ZNF385D: variants seen among roughly 807,000 people sequenced by gnomAD.
The protein encoded by ZNF385D is zinc finger protein 659.
In ZNF385D, 15 loss-of-function variants were observed where a neutral mutation model predicts 35.8. That is an observed-to-expected ratio of 0.42 (90% CI 0.28 to 0.64). The LOEUF (loss-of-function observed/expected upper bound fraction) is 0.64. Ranked by LOEUF, ZNF385D falls within the 30% of genes least tolerant of loss-of-function variation. The pLI is 0.23. For missense variants in ZNF385D, 474 were observed against 494.6 expected (o/e 0.96, Z 0.39); for synonymous variants, 212 against 186.8 (o/e 1.13, Z -1.10).
At chr3:22,252,818 C>G (rs1010574207) in intron 2 of ZNF385D, among the ~76,000 whole-genome samples, 17 of 152,054 alleles carry the variant, frequency 1.1e-4, no homozygotes, top group Non-Finnish European at 2.5e-4. Context: ...TGTGGTGAAG[C>G]ATAGGTATAT....
intron 3 of ZNF385D, among the ~76,000 whole-genome samples, chr3:22,153,445 T>A (rs1705387605): frequency 6.6e-6 from 1 of 150,672 alleles, no homozygotes; most frequent in Admixed American, 6.7e-5. Context: ...TTAATTCTGT[T>A]TGTCACCATG....
chr3:22,196,279 C>T (rs1208900258), intron 2 of ZNF385D, among the ~76,000 whole-genome samples: 1 of 152,020 alleles, frequency 6.6e-6, no homozygotes, highest in African/African-American at 2.4e-5. Context: ...TATTGCTATA[C>T]CGACTTTGTT....
intron 2 of ZNF385D, among the ~76,000 whole-genome samples, chr3:22,300,949 G>C (rs1192452105): frequency 6.6e-6 from 1 of 151,952 alleles, no homozygotes; most frequent in African/African-American, 2.4e-5. Flanking sequence ...ATATCCAAAG[G>C]AATTGAAATC....
At chr3:22,004,246 G>T (rs4527404) in intron 3 of ZNF385D, among the ~76,000 whole-genome samples, 8 of 151,894 alleles carry the variant, frequency 5.3e-5, no homozygotes, top group African/African-American at 1.7e-4. Flanking sequence ...GACATCCATA[G>T]GCAGAAGACC....
At position 21,418,359 on chromosome 3, in the gene ZNF385D, T is replaced by A. The variant is rs1700601271; in HGVS notation, c.*2855A>T. 1 of 152,156 alleles carries A rather than the reference T, an allele frequency of 6.6e-6. No individual in the cohort carries two copies. The highest frequency in any genetic ancestry group is 2.4e-5 in the African/African-American group (1 of 41,446). The allele number at this position is 152,156 out of a possible 1,614,324, so 9.4% of individuals were successfully genotyped here. On this transcript the variant is annotated 3_prime_UTR_variant, in exon 8 of 8. Transcript: ENST00000281523. ...ATGGCAGCCTGAACTATAATGGATG[T>A]TAATCTGGTATTGGTAAATATATGG...
chr3:21,723,608 T>C (rs961917992), intron 1 of ZNF385D, among the ~76,000 whole-genome samples: 2 of 152,058 alleles, frequency 1.3e-5, no homozygotes, highest in African/African-American at 4.8e-5. Context: ...GAAAAAAGAA[T>C]AAGAAGGAAT....
chr3:22,091,497 T>C (rs909423771), intron 3 of ZNF385D, among the ~76,000 whole-genome samples: 4 of 151,996 alleles, frequency 2.6e-5, no homozygotes, highest in African/African-American at 4.8e-5. Flanking sequence ...CCCTGGTCTG[T>C]AGAGATCTTC....
chr3:21,686,693 A>T (rs547808083), intron 1 of ZNF385D, among the ~76,000 whole-genome samples: 2 of 152,360 alleles, frequency 1.3e-5, no homozygotes, highest in African/African-American at 4.8e-5. Flanking sequence ...TTAAGTGTGC[A>T]GTCGCCACAT....
chr3:21,572,501 A>G (rs2063365237), intron 2 of ZNF385D, among the ~76,000 whole-genome samples: 1 of 152,182 alleles, frequency 6.6e-6, no homozygotes, highest in African/African-American at 2.4e-5. Flanking sequence ...AAAGTGAAGG[A>G]CATAGGAAGA....
At chr3:21,484,883 T>C (rs1169260898) in intron 4 of ZNF385D, among the ~76,000 whole-genome samples, 1 of 152,122 alleles carries the variant, frequency 6.6e-6, no homozygotes, top group Non-Finnish European at 1.5e-5. Context: ...GCTTGCAGAC[T>C]GCTCCTGTGC....
intron 2 of ZNF385D, among the ~76,000 whole-genome samples, chr3:22,212,521 C>T (rs879676881): frequency 3.9e-5 from 6 of 151,946 alleles, no homozygotes; most frequent in Non-Finnish European, 8.8e-5. Flanking sequence ...AGATTCTCTT[C>T]TCTTGGAATT....
intron 2 of ZNF385D, among the ~76,000 whole-genome samples, chr3:22,263,456 A>C (rs1022464248): frequency 5.3e-5 from 8 of 151,800 alleles, no homozygotes; most frequent in Non-Finnish European, 8.8e-5. Flanking sequence ...TGACTATTCC[A>C]CCTGAAATAG....
intron 2 of ZNF385D, among the ~76,000 whole-genome samples, chr3:22,276,365 ACT>A (rs1434218700): frequency 7.2e-5 from 11 of 152,082 alleles, no homozygotes; most frequent in Non-Finnish European, 1.2e-4. Flanking sequence ...ATTCAGTAAC[ACT>A]CTAACAATGC....
At chr3:21,809,597 T>C (rs939732373) in intron 3 of ZNF385D, among the ~76,000 whole-genome samples, 1 of 150,796 alleles carries the variant, frequency 6.6e-6, no homozygotes, top group Non-Finnish European at 1.5e-5. Flanking sequence ...ATGATATATA[T>C]ATACACATAT....
chr3:22,278,724 T>C (rs1007441031), intron 2 of ZNF385D, among the ~76,000 whole-genome samples: 13 of 152,230 alleles, frequency 8.5e-5, no homozygotes, highest in Middle Eastern at 6.8e-3. Flanking sequence ...GAAGAAAGGA[T>C]CAGAGAAAAT....
chr3:22,075,194 T>A (rs948497817), intron 3 of ZNF385D, among the ~76,000 whole-genome samples: 8 of 151,874 alleles, frequency 5.3e-5, no homozygotes, highest in African/African-American at 1.9e-4. Context: ...TTATGGGTAA[T>A]AGCCTTTCTC....
At chr3:21,441,249 A>G (rs1701843890) in intron 4 of ZNF385D, among the ~76,000 whole-genome samples, 3 of 152,208 alleles carry the variant, frequency 2.0e-5, no homozygotes. Context: ...CAATGAATAA[A>G]TTAATAATAG....
In ZNF385D at chr3:21,957,559, A is replaced by G. The variant is rs1702357400; in HGVS notation, c.325+211258T>C. 1.3e-5 allele frequency among the ~76,000 whole-genome samples: 2 copies of G among 151,848 alleles called. 1 individual carries two copies. Among genetic ancestry groups the G allele is most frequent in the South Asian group, 4.2e-4 (2 of 4,810 alleles). On this transcript the variant is annotated intron_variant, in intron 3 of 5. Transcript: ENST00000494108. ...GTGACTCTTGTTTTGTTTTAGCAAA[A>G]CTCACATGGCACAAGCCTACCCAAA...
chr3:22,272,577 T>C (rs1289060087), intron 2 of ZNF385D, among the ~76,000 whole-genome samples: 1 of 152,050 alleles, frequency 6.6e-6, no homozygotes, highest in Non-Finnish European at 1.5e-5. Context: ...AAACCTGTGA[T>C]TTAGTTTAGG....
Sources: gnomAD v4.1 joint callset for allele counts (sites outside exome capture counted in the v4.1 genomes callset) on GRCh38, gnomAD v4.1.1 for gene constraint, MANE v1.5 for transcripts, NCBI Gene and HGNC (gene_info 2026-07-23, HGNC 2026-07-21) for gene names.